CLVS1: variants seen among roughly 807,000 people sequenced by gnomAD.
The protein encoded by CLVS1 is clavesin 1, also known as clavesin-1.
Under a neutral mutation model 33.1 loss-of-function variants are expected in CLVS1, and 10 were observed. That is an observed-to-expected ratio of 0.30 (90% CI 0.19 to 0.51). CLVS1 has a LOEUF of 0.51. CLVS1 is among the 20% of genes least tolerant of loss of function. The probability of loss-of-function intolerance (pLI) is 0.97; values close to 1 mark genes in which losing one functional copy is unlikely to be tolerated. For missense variants in CLVS1, 343 were observed against 433.4 expected (o/e 0.79, Z 1.85); for synonymous variants, 163 against 166.1 (o/e 0.98, Z 0.14).
chr8:61,432,566 T>C (rs73685019), intron 3 of CLVS1, among the ~76,000 whole-genome samples: 2,355 of 152,288 alleles, frequency 0.015, 77 homozygotes, highest in African/African-American at 0.054. Flanking sequence ...CGGAAGAAAC[T>C]GGCCCTGCCT....
rs949879284 is a variant in CLVS1, at chr8:61,085,393, C to T, written c.-243+28163C>T. Among the ~76,000 whole-genome samples, 23 of 152,106 alleles carry T rather than the reference C, an allele frequency of 1.5e-4. 1 individual carries two copies. Among genetic ancestry groups the T allele is most frequent in the African/African-American group, 5.1e-4 (21 of 41,416 alleles). On this transcript the variant is annotated intron_variant, in intron 1 of 2. Transcript: ENST00000522621. ...CTTCGCTAGACCCCAATCTTCATGA[C>T]GGTAGAAATCATGTCTCTTCTCTCT...
intron 2 of CLVS1, among the ~76,000 whole-genome samples, chr8:61,349,532 A>G (rs1220620965): frequency 6.6e-6 from 1 of 152,004 alleles, no homozygotes; most frequent in Non-Finnish European, 1.5e-5. Flanking sequence ...TGAGAGGACC[A>G]GGTTTGGGTG....
chr8:61,052,470 A>C (rs545290741), upstream of CLVS1, among the ~76,000 whole-genome samples: 4 of 151,260 alleles, frequency 2.6e-5, no homozygotes, highest in South Asian at 2.1e-4. Context: ...AGGGAAATTT[A>C]AGTGACAATC....
the CLVS1 span, among the ~76,000 whole-genome samples, chr8:61,046,038 G>T: frequency 1.3e-5 from 2 of 151,596 alleles, no homozygotes; most frequent in African/African-American, 4.9e-5. Flanking sequence ...ATTGCTTTTG[G>T]TGTTTTAGAC....
chr8:61,109,473 T>C (rs1006145404), intron 1 of CLVS1, among the ~76,000 whole-genome samples: 1 of 152,084 alleles, frequency 6.6e-6, no homozygotes, highest in Admixed American at 6.5e-5. Flanking sequence ...CAATAGAATA[T>C]ATAATAACAT....
chr8:60,982,338 A>T, the CLVS1 span, among the ~76,000 whole-genome samples: 2 of 152,224 alleles, frequency 1.3e-5, no homozygotes, highest in Admixed American at 1.3e-4. Context: ...TGTTGAGGGA[A>T]TGAAATTAAA....
chr8:61,237,794 A>G (rs1417020829), intron 2 of CLVS1, among the ~76,000 whole-genome samples: 3 of 151,864 alleles, frequency 2.0e-5, no homozygotes, highest in Non-Finnish European at 4.4e-5. Flanking sequence ...CAGACCAAGA[A>G]AGGTTGGGGC....
At chr8:61,357,294 C>G (rs577912573) in intron 2 of CLVS1, among the ~76,000 whole-genome samples, 1 of 151,888 alleles carries the variant, frequency 6.6e-6, no homozygotes, top group Admixed American at 6.6e-5. Context: ...TTAAAGTCAA[C>G]GATCTATGGA....
chr8:61,086,875 T>C (rs1431997652), intron 1 of CLVS1, among the ~76,000 whole-genome samples: 2 of 152,208 alleles, frequency 1.3e-5, no homozygotes, highest in Non-Finnish European at 2.9e-5. Context: ...ATCCAGATGA[T>C]GCTTGCCTCA....
chr8:61,224,061 A>G (rs2931344), intron 2 of CLVS1, among the ~76,000 whole-genome samples: 72,119 of 151,788 alleles, frequency 0.48, 17,891 homozygotes, highest in East Asian at 0.82. Flanking sequence ...CTGGTTAGCA[A>G]TTCCCCTAAC....
chr8:61,001,577 T>G, the CLVS1 span, among the ~76,000 whole-genome samples: 1 of 152,260 alleles, frequency 6.6e-6, no homozygotes, highest in Non-Finnish European at 1.5e-5. Context: ...AGAGCTGAAT[T>G]AAATTTGAAT....
chr8:61,293,163 G>A (rs1050375887), intron 1 of CLVS1, among the ~76,000 whole-genome samples: 3 of 152,170 alleles, frequency 2.0e-5, no homozygotes, highest in Non-Finnish European at 4.4e-5. Context: ...GCTAAAGGTG[G>A]TGAAAGGTGA....
intron 2 of CLVS1, among the ~76,000 whole-genome samples, chr8:61,265,143 A>G (rs548274483): frequency 1.8e-4 from 28 of 152,324 alleles, no homozygotes; most frequent in African/African-American, 6.5e-4. Flanking sequence ...ACATGGATGT[A>G]TGATAGGCAT....
rs951244771 is a variant in CLVS1, at chr8:61,121,244, C to T, written c.-242-10526C>T. ...GCCCTGCTTCGGCTCGCTCACGGTG[C>T]GCGCACCCACTGACCTGCACCCACT... is the stretch of plus-strand genomic sequence containing the variant. On this transcript the variant is annotated intron_variant, in intron 1 of 2. Coordinates refer to the CLVS1 transcript ENST00000522621. 3.9e-5 allele frequency among the ~76,000 whole-genome samples: 6 copies of T among 152,200 alleles called. No individual in the cohort carries two copies. The East Asian group carries it at 5.8e-4, about 15-fold the overall frequency.
intron 1 of CLVS1, among the ~76,000 whole-genome samples, chr8:61,103,637 T>C (rs760194102): frequency 6.6e-5 from 10 of 152,240 alleles, no homozygotes; most frequent in Non-Finnish European, 1.5e-4. Context: ...TTTAGAATTA[T>C]GAATCATTGA....
At chr8:61,208,736 C>T (rs59736597) in intron 2 of CLVS1, among the ~76,000 whole-genome samples, 12,881 of 152,034 alleles carry the variant, frequency 0.085, 799 homozygotes, top group African/African-American at 0.16. Flanking sequence ...TACAGGCACG[C>T]GCCACCACGC....
chr8:61,418,730 G>T lies in CLVS1; in HGVS notation c.631-35411G>T, dbSNP rs148258889. On this transcript the variant is annotated intron_variant, in intron 3 of 5. Coordinates refer to ENST00000325897, the MANE Select transcript of CLVS1 (RefSeq NM_173519.3). The stretch of plus-strand genomic sequence containing the variant: ...CACCACTCTTTGAAGCTTACAAGAT[G>T]ATCAGGTAGCTTGGAATTAGGTCAC... Among the ~76,000 whole-genome samples, 307 of 152,334 alleles carry T rather than the reference G, an allele frequency of 2.0e-3. 2 individuals are homozygous for T. Among genetic ancestry groups the T allele is most frequent in the African/African-American group, 6.4e-3 (264 of 41,570 alleles).
chr8:61,020,988 G>T, the CLVS1 span, among the ~76,000 whole-genome samples: 1 of 152,132 alleles, frequency 6.6e-6, no homozygotes, highest in Admixed American at 6.5e-5. Context: ...CATGATGGAG[G>T]GCTCTCTATA....
intron 2 of CLVS1, among the ~76,000 whole-genome samples, chr8:61,364,120 G>T (rs1813095886): frequency 6.6e-6 from 1 of 152,104 alleles, no homozygotes; most frequent in South Asian, 2.1e-4. Flanking sequence ...TCTCCTCAGG[G>T]GAATATATTT....
Sources: gnomAD v4.1 joint callset for allele counts (sites outside exome capture counted in the v4.1 genomes callset) on GRCh38, gnomAD v4.1.1 for gene constraint, MANE v1.5 for transcripts, NCBI Gene and HGNC (gene_info 2026-07-23, HGNC 2026-07-21) for gene names.